SMAP1: variants seen among roughly 807,000 people sequenced by gnomAD.
SMAP1 encodes small ArfGAP 1.
In SMAP1, 24 loss-of-function variants were observed where a neutral mutation model predicts 58.5. The observed-to-expected ratio is 0.41, with a 90% CI of 0.30 to 0.58. SMAP1 has a LOEUF of 0.58. Ranked by LOEUF, SMAP1 falls within the 20% of genes least tolerant of loss-of-function variation. The probability of loss-of-function intolerance (pLI) is 0.29; values close to 1 mark genes in which losing one functional copy is unlikely to be tolerated. For missense variants in SMAP1, 563 were observed against 566.3 expected (o/e 0.99, Z 0.06); for synonymous variants, 216 against 196.6 (o/e 1.10, Z -0.82).
At chr6:70,855,763 C>T (rs1771390880) in intron 8 of SMAP1, among the ~76,000 whole-genome samples, 1 of 152,178 alleles carries the variant, frequency 6.6e-6, no homozygotes, top group African/African-American at 2.4e-5. Flanking sequence ...CCAGCCCATG[C>T]TCTTAGCTCT....
Position 70,861,281 on chromosome 6 carries a change from T to C in SMAP1, c.*947T>C. 2 of 185,640 alleles carry C rather than the reference T, an allele frequency of 1.1e-5. No individual in the cohort carries two copies. Among genetic ancestry groups the C allele is most frequent in the East Asian group, 2.6e-4 (2 of 7,592 alleles). 11.5% of individuals were successfully genotyped at this position (185,640 alleles called of 1,614,324 possible). ...CAGGAACGTTTAGCTGACAAAATACTTGTCTGTTTTAAAAACCTGTTCAAG... is the reference window on the plus strand; with the variant it reads ...CAGGAACGTTTAGCTGACAAAATACCTGTCTGTTTTAAAAACCTGTTCAAG... On this transcript the variant is annotated 3_prime_UTR_variant, in exon 11 of 11. Coordinates refer to ENST00000370455, the MANE Select transcript of SMAP1 (RefSeq NM_001044305.3).
chr6:70,770,582 C>G (rs989423922), intron 3 of SMAP1, among the ~76,000 whole-genome samples: 1 of 152,150 alleles, frequency 6.6e-6, no homozygotes, highest in Admixed American at 6.5e-5. Context: ...GTTCTCGAGC[C>G]TTGGCTTTCA....
intron 1 of SMAP1, among the ~76,000 whole-genome samples, chr6:70,732,012 G>C (rs1458414035): frequency 6.6e-6 from 1 of 151,564 alleles, no homozygotes; most frequent in African/African-American, 2.4e-5. Flanking sequence ...TTTTTTATTT[G>C]TTGTTAATCT....
At chr6:70,816,814 A>T (rs947883175) in intron 6 of SMAP1, among the ~76,000 whole-genome samples, 62 of 152,170 alleles carry the variant, frequency 4.1e-4, no homozygotes, top group African/African-American at 1.5e-3. Context: ...TCTGTATTTT[A>T]TCTCCTAGAA....
intron 3 of SMAP1, among the ~76,000 whole-genome samples, chr6:70,768,125 T>G (rs572557376): frequency 3.0e-4 from 46 of 152,350 alleles, no homozygotes; most frequent in East Asian, 1.3e-3. Context: ...TGGTTAAGTT[T>G]TTGATGTGCT....
intron 1 of SMAP1, among the ~76,000 whole-genome samples, chr6:70,671,044 T>A (rs962056088): frequency 1.4e-4 from 21 of 152,212 alleles, no homozygotes; most frequent in Non-Finnish European, 2.6e-4. Context: ...CATGACTCAG[T>A]GGGAGTTTAA....
At chr6:70,675,604 T>C (rs1050755891) in intron 1 of SMAP1, among the ~76,000 whole-genome samples, 10 of 150,096 alleles carry the variant, frequency 6.7e-5, no homozygotes, top group African/African-American at 2.5e-4. Flanking sequence ...TGAGCCAAGA[T>C]CGTGCCATTG....
intron 8 of SMAP1, among the ~76,000 whole-genome samples, chr6:70,853,991 C>T (rs1432087757): frequency 6.6e-6 from 1 of 152,122 alleles, no homozygotes; most frequent in Non-Finnish European, 1.5e-5. Context: ...AGAGTTAGAT[C>T]CCACCTCTGA....
chr6:70,809,471 A>G (rs575552938), intron 6 of SMAP1, among the ~76,000 whole-genome samples: 1 of 152,314 alleles, frequency 6.6e-6, no homozygotes, highest in Admixed American at 6.5e-5. Flanking sequence ...TTTCAATATA[A>G]CCATGTAAAA....
chr6:70,777,269 T>G (rs2149919890), intron 4 of SMAP1, among the ~76,000 whole-genome samples: 1 of 152,304 alleles, frequency 6.6e-6, no homozygotes, highest in South Asian at 2.1e-4. Flanking sequence ...CAGATGGAAA[T>G]GCAGAAATCA....
At chr6:70,785,604 A>T (rs1010575712) in intron 4 of SMAP1, among the ~76,000 whole-genome samples, 3 of 152,228 alleles carry the variant, frequency 2.0e-5, no homozygotes, top group Admixed American at 1.3e-4. Flanking sequence ...ACGCAATAAA[A>T]AATGATAAAG....
chr6:70,810,603 G>T (rs1233818779), intron 6 of SMAP1, among the ~76,000 whole-genome samples: 4 of 151,866 alleles, frequency 2.6e-5, no homozygotes, highest in Admixed American at 1.3e-4. Flanking sequence ...TAGATACAGG[G>T]TCTCACTATT....
chr6:70,755,635 C>A (rs1381556016), intron 3 of SMAP1, among the ~76,000 whole-genome samples: 3 of 151,982 alleles, frequency 2.0e-5, no homozygotes, highest in South Asian at 2.1e-4. Flanking sequence ...TTTACTGGGG[C>A]CTAACCCATT....
intron 2 of SMAP1, among the ~76,000 whole-genome samples, chr6:70,742,323 G>T (rs1489939466): frequency 2.0e-5 from 3 of 152,038 alleles, no homozygotes; most frequent in African/African-American, 7.2e-5. Context: ...TGCTGCTTAG[G>T]CATTTCTTCT....
chr6:70,694,067 C>A, intron 1 of SMAP1: 1 of 208,400 alleles, frequency 4.8e-6, no homozygotes, highest in Non-Finnish European at 9.6e-6. Context: ...GAAACTATAC[C>A]AACCCTCTTG....
intron 4 of SMAP1, among the ~76,000 whole-genome samples, chr6:70,785,883 G>A (rs1288991733): frequency 4.6e-5 from 7 of 152,176 alleles, no homozygotes; most frequent in Non-Finnish European, 7.4e-5. Context: ...ACAAGGAGGA[G>A]CTGGTACCAT....
At chr6:70,689,431 T>A (rs1186502839) in intron 1 of SMAP1, among the ~76,000 whole-genome samples, 1 of 152,248 alleles carries the variant, frequency 6.6e-6, no homozygotes, top group African/African-American at 2.4e-5. Context: ...GATCTGTTTG[T>A]CTGCCTTTAT....
intron 2 of SMAP1, among the ~76,000 whole-genome samples, chr6:70,737,681 A>G (rs1279639537): frequency 1.3e-5 from 2 of 152,322 alleles, no homozygotes; most frequent in Non-Finnish European, 2.9e-5. Context: ...CCACTATGCT[A>G]GGAACACAGT....
At chr6:70,745,405 T>C (rs939170552) in intron 2 of SMAP1, among the ~76,000 whole-genome samples, 1 of 152,254 alleles carries the variant, frequency 6.6e-6, no homozygotes, top group Non-Finnish European at 1.5e-5. Context: ...TAGCCAGTTT[T>C]CCCAGCACCA....
Sources: gnomAD v4.1 joint callset for allele counts (sites outside exome capture counted in the v4.1 genomes callset) on GRCh38, gnomAD v4.1.1 for gene constraint, MANE v1.5 for transcripts, NCBI Gene and HGNC (gene_info 2026-07-23, HGNC 2026-07-21) for gene names.